Variants in FAAH observed in about 807,000 individuals in gnomAD.
The protein encoded by FAAH is fatty-acid amide hydrolase 1.
Under a neutral mutation model 69.7 loss-of-function variants are expected in FAAH, and 63 were observed. The observed-to-expected ratio is 0.90, with a 90% CI of 0.74 to 1.12. The LOEUF is 1.12. Ranked by LOEUF, FAAH falls within the 50% of genes most tolerant of loss-of-function variation. The pLI is 0.00. For synonymous variants in FAAH, 305 were observed against 324.2 expected, an observed-to-expected ratio of 0.94 and a Z score of 0.64; for missense variants, 680 against 755.0, an observed-to-expected ratio of 0.90 and a Z score of 1.16.
In FAAH at chr1:46,394,481, C is replaced by G; in HGVS notation, c.133C>G (p.Arg45Gly). The change falls in exon 1 of 15, where the codon CGA becomes GGA. Residue 45 changes from arginine (R) to glycine (G), a missense_variant. By Grantham distance (125) the Arg-to-Gly change is moderately radical. Transcript: ENST00000243167. ...GGCGCGGGGCGCGGTGGTCCGGGCG[C>G]GACAGAGGCAGCGAGCGGGCCTGGA... is the stretch of plus-strand genomic sequence containing the variant. Reference protein sequence around the residue: ...RTARGAVVRARQRQRAGLENM... With the variant: ...RTARGAVVRAGQRQRAGLENM... 7.2e-7 allele frequency: 1 copy of G among 1,394,136 alleles called. No individual in the cohort carries two copies. Among genetic ancestry groups the G allele is most frequent in the Non-Finnish European group, 9.3e-7 (1 of 1,079,936 alleles). 86.4% of individuals were successfully genotyped at this position (1,394,136 alleles called of 1,614,324 possible).
Position 46,404,833 on chromosome 1 carries a change from C to T in FAAH, c.310-181C>T, listed in dbSNP as rs1664761687. On this transcript the variant is annotated intron_variant, in intron 2 of 14. Coordinates refer to ENST00000243167, the MANE Select transcript of FAAH (RefSeq NM_001441.3). This position sits in a 1 kb window ranked among gnomAD's most constrained non-coding sequence, Gnocchi z 4.5. ...CAGGATGAGGCCTGGGCCAAATGTC[C>T]CTAGTGAGGCAGATGCTGAGCCCTA... 6.6e-6 allele frequency among the ~76,000 whole-genome samples: 1 copy of T among 152,206 alleles called. No individual in the cohort carries two copies. Among genetic ancestry groups the T allele is most frequent in the South Asian group, 2.1e-4 (1 of 4,824 alleles).
rs564082478 is a variant in FAAH, at chr1:46,411,137, T to C, written c.1316+283T>C. ...GGCATGAGTGGAAAGGACCAGGAAG[T>C]GGGGGTTGGCCTGGGCCAAGGGTGG... On this transcript the variant is annotated intron_variant, in intron 11 of 14. Transcript: ENST00000243167. The surrounding 1 kb of genome is among the most constrained non-coding windows in gnomAD (Gnocchi z 4.8). Among the ~76,000 whole-genome samples, 1 of 150,568 alleles carries C rather than the reference T, an allele frequency of 6.6e-6. No individual in the cohort carries two copies. Among genetic ancestry groups the C allele is most frequent in the South Asian group, 2.1e-4 (1 of 4,710 alleles).
rs950404550 is a variant in FAAH at position 46,411,287 on chromosome 1, G to A, written c.1317-325G>A. Among the ~76,000 whole-genome samples the A allele has an allele frequency of 3.9e-5, 6 of 152,188 alleles. No homozygotes were observed. Among genetic ancestry groups the A allele is most frequent in the African/African-American group, 9.7e-5 (4 of 41,438 alleles). On this transcript the variant is annotated intron_variant, in intron 11 of 14. Coordinates refer to ENST00000243167, the MANE Select transcript of FAAH (RefSeq NM_001441.3). This position sits in a 1 kb window ranked among gnomAD's most constrained non-coding sequence, Gnocchi z 4.8. ...AAACCTCCCTGTTTCATGCCCTGAC[G>A]TCCCATGGACTCACTCCTTCCCTTA...
chr1:46,401,843 C>T (rs1001389243), intron 1 of FAAH, among the ~76,000 whole-genome samples: 1 of 151,990 alleles, frequency 6.6e-6, no homozygotes, highest in Non-Finnish European at 1.5e-5. Context: ...CCCAGGAGTT[C>T]AAGTCTAGCC....
chr1:46,394,855 A>C (rs537873661), intron 1 of FAAH, among the ~76,000 whole-genome samples: 1 of 152,230 alleles, frequency 6.6e-6, no homozygotes, highest in Non-Finnish European at 1.5e-5. Context: ...CGTGACAACC[A>C]GTGGGATGCC....
intron 2 of FAAH, among the ~76,000 whole-genome samples, chr1:46,403,387 G>A (rs1460627341): frequency 6.6e-6 from 1 of 152,144 alleles, no homozygotes; most frequent in African/African-American, 2.4e-5. Flanking sequence ...GTGAGCCACC[G>A]CGCCTGGCCT....
At chr1:46,398,981 A>ATT (rs11423577) in intron 1 of FAAH, among the ~76,000 whole-genome samples, 1 of 137,348 alleles carries the variant, frequency 7.3e-6, no homozygotes, top group East Asian at 2.8e-4. Context: ...CGCTTCACCC[A>ATT]TTTTTTCCCA....
In FAAH at chr1:46,406,529, CTTGCCTGCA is replaced by C. The variant is rs567623110; in HGVS notation, c.951+164_951+172del. ...CCACAGACGGCCACCAGATGGAGCC[CTTGCCTGCA>C]TTTGGAAATCCTCAGGCTTTTTTTT... On this transcript the variant is annotated intron_variant, in intron 7 of 14. Coordinates refer to ENST00000243167, the MANE Select transcript of FAAH (RefSeq NM_001441.3). Among the ~76,000 whole-genome samples, 417 of 151,750 alleles carry C rather than the reference CTTGCCTGCA, an allele frequency of 2.7e-3. 3 individuals carry two copies. The highest frequency in any genetic ancestry group is 9.8e-3 in the African/African-American group (407 of 41,352).
rs977690021 is a variant in FAAH at position 46,404,949 on chromosome 1, A to G, written c.310-65A>G. 10 of 1,609,832 alleles carry G rather than the reference A, an allele frequency of 6.2e-6. No homozygotes were observed. The African/African-American group carries it at 1.1e-4, about 17-fold the overall frequency. ...AAAAGGCCAGTTCTACATGATGTATATTTCACCACAATTTCTTAAAAAGGC... is the reference window on the plus strand; with the variant it reads ...AAAAGGCCAGTTCTACATGATGTATGTTTCACCACAATTTCTTAAAAAGGC... On this transcript the variant is annotated intron_variant, in intron 2 of 14. Transcript: ENST00000243167. This position sits in a 1 kb window ranked among gnomAD's most constrained non-coding sequence, Gnocchi z 4.5.
Position 46,406,106 on chromosome 1 carries a change from C to T in FAAH, c.826+28C>T, listed in dbSNP as rs201704313. 192 of 1,613,980 alleles carry T rather than the reference C, an allele frequency of 1.2e-4. 1 individual carries two copies. The South Asian group carries it at 2.0e-3, about 17-fold the overall frequency. On this transcript the variant is annotated intron_variant, in intron 6 of 14. Transcript: ENST00000243167. ...GAGGTCCGTGGTGCTCTCAGTGCCC[C>T]GAGGAGGGTGGGGGTCGGCCTGACC...
intron 14 of FAAH, 34 bp from the exon 15 acceptor site, chr1:46,413,413 G>C (rs763156574): frequency 1.3e-5 from 21 of 1,613,818 alleles, no homozygotes; most frequent in Admixed American, 3.3e-5. Flanking sequence ...GTCCTGCCTT[G>C]CTAACCCTAT....
chr1:46,406,203 G>T, intron 6 of FAAH, 41 bp from the exon 7 acceptor site: 2 of 1,613,930 alleles, frequency 1.2e-6, no homozygotes, highest in East Asian at 2.2e-5. Flanking sequence ...TGGGTTCCTC[G>T]CTCCTTGTCT....
rs780619227 is a variant in FAAH, at chr1:46,410,410, C to T, written c.1188C>T (p.Phe396=). Residue 396 remains phenylalanine, a synonymous_variant, in exon 10 of 15, where the codon TTC becomes TTT. Transcript: ENST00000243167. This position sits in a 1 kb window ranked among gnomAD's most constrained non-coding sequence, Gnocchi z 4.9. Reference sequence around the variant, plus strand: ...TTTTGTTTCCCAGCAAAGGTGATTTCGTGGACCCCTGCCTGGGGGACCTGG... The same window carrying T: ...TTTTGTTTCCCAGCAAAGGTGATTTTGTGGACCCCTGCCTGGGGGACCTGG... ...HTFLQNFKGD[F]VDPCLGDLVS... 1.4e-5 allele frequency: 23 copies of T among 1,614,038 alleles called. No individual in the cohort carries two copies. Among genetic ancestry groups the T allele is most frequent in the South Asian group, 2.2e-5 (2 of 91,088 alleles).
In FAAH at chr1:46,409,706, G is replaced by GT. The variant is rs74936462; in HGVS notation, c.1175+509dup. Among the ~76,000 whole-genome samples the GT allele has an allele frequency of 2.0e-3, 297 of 152,270 alleles. 4 individuals carry two copies. The Middle Eastern group carries it at 0.037, about 19-fold the overall frequency. On this transcript the variant is annotated intron_variant, in intron 9 of 14. Transcript: ENST00000243167. ...TCTGGGATGCTTCTAGTCATTAAAG[G>GT]TGTCAGGGGCAGAGAACAGGCCTGC...
intron 2 of FAAH, among the ~76,000 whole-genome samples, chr1:46,402,741 G>A (rs1230160942): frequency 6.6e-6 from 1 of 151,246 alleles, no homozygotes; most frequent in African/African-American, 2.4e-5. Context: ...TGCCCAGGCT[G>A]GAATGCAGTG....
At chr1:46,402,042 C>G in intron 1 of FAAH, 49 bp from the exon 2 acceptor site, 2 of 1,485,070 alleles carry the variant, frequency 1.3e-6, no homozygotes, top group Non-Finnish European at 1.8e-6. Flanking sequence ...TGCTGCAGGC[C>G]CATGAGACTT....
Position 46,410,701 on chromosome 1 carries a change from T to A in FAAH, c.1276-113T>A. Reference sequence around the variant, plus strand: ...CCGCATGCTGAAAGGGGTGCCGACCTGGGCCCTGGGGGGAGGCATGGAGGG... The same window carrying A: ...CCGCATGCTGAAAGGGGTGCCGACCAGGGCCCTGGGGGGAGGCATGGAGGG... On this transcript the variant is annotated intron_variant, in intron 10 of 14. Transcript: ENST00000243167. This position sits in a 1 kb window ranked among gnomAD's most constrained non-coding sequence, Gnocchi z 4.9. 7.3e-7 allele frequency: 1 copy of A among 1,373,242 alleles called. No individual in the cohort carries two copies. The highest frequency in any genetic ancestry group is 1.0e-6 in the Non-Finnish European group (1 of 961,040). 85.1% of individuals were successfully genotyped at this position (1,373,242 alleles called of 1,614,324 possible).
intron 9 of FAAH, 134 bp downstream of exon 9, chr1:46,409,332 C>T (rs547855165): frequency 1.4e-6 from 1 of 729,476 alleles, no homozygotes; most frequent in African/African-American, 1.7e-5. Context: ...GGGCAGGGAC[C>T]TCGCTGTCCC....
chr1:46,406,929 G>A (rs116215917), intron 7 of FAAH, among the ~76,000 whole-genome samples: 1 of 152,152 alleles, frequency 6.6e-6, no homozygotes, highest in African/African-American at 2.4e-5. Context: ...TTTCAAAGGT[G>A]CCCAGCCTCA....
Sources: gnomAD v4.1 joint callset for allele counts (sites outside exome capture counted in the v4.1 genomes callset) on GRCh38, gnomAD v4.1.1 for gene constraint, Gnocchi (gnomAD v3.1) non-coding constraint, MANE v1.5 for transcripts, NCBI Gene and HGNC (gene_info 2026-07-23, HGNC 2026-07-21) for gene names.